SEMA3E: variants seen among roughly 807,000 people sequenced by gnomAD.
SEMA3E encodes the protein semaphorin-3E.
Under a neutral mutation model 93.6 loss-of-function variants are expected in SEMA3E, and 49 were observed. The ratio of observed to expected loss-of-function variants is 0.52; its 90% CI spans 0.42 to 0.66. The LOEUF is 0.66. SEMA3E is among the 30% of genes least tolerant of loss of function. The probability of loss-of-function intolerance (pLI) is 0.00; values close to 1 mark genes in which losing one functional copy is unlikely to be tolerated. For synonymous variants in SEMA3E, 363 were observed against 330.7 expected (o/e 1.10, Z -1.06); for missense variants, 906 against 964.8 (o/e 0.94, Z 0.81).
intron 1 of SEMA3E, among the ~76,000 whole-genome samples, chr7:83,622,178 G>C (rs1423066253): frequency 6.6e-6 from 1 of 151,928 alleles, no homozygotes; most frequent in Non-Finnish European, 1.5e-5. Flanking sequence ...CAAAGGACAT[G>C]AATAGACACT....
chr7:83,546,695 A>G (rs1400093501), intron 1 of SEMA3E, among the ~76,000 whole-genome samples: 4 of 152,096 alleles, frequency 2.6e-5, no homozygotes, highest in African/African-American at 9.7e-5. Context: ...CACTGAGTCT[A>G]GACAAAAGAT....
At chr7:83,435,582 C>T (rs752114297) in intron 4 of SEMA3E, among the ~76,000 whole-genome samples, 15 of 151,590 alleles carry the variant, frequency 9.9e-5, no homozygotes, top group Middle Eastern at 3.4e-3. Flanking sequence ...GGAGACAGAG[C>T]GAACCTCCGT....
intron 1 of SEMA3E, among the ~76,000 whole-genome samples, chr7:83,512,366 C>T (rs960854379): frequency 6.6e-6 from 1 of 152,138 alleles, no homozygotes; most frequent in Non-Finnish European, 1.5e-5. Context: ...AAATTACTTA[C>T]GGCTGAAACT....
intron 1 of SEMA3E, among the ~76,000 whole-genome samples, chr7:83,638,314 C>A (rs1162544848): frequency 6.6e-6 from 1 of 152,128 alleles, no homozygotes; most frequent in Non-Finnish European, 1.5e-5. Context: ...TTAATACAGG[C>A]CATGACCAAG....
chr7:83,548,405 T>C (rs1791693427), intron 1 of SEMA3E, among the ~76,000 whole-genome samples: 1 of 152,080 alleles, frequency 6.6e-6, no homozygotes. Context: ...TATTACAATA[T>C]TCTAGTTAAG....
At chr7:83,489,103 T>G (rs2115972375) in intron 2 of SEMA3E, among the ~76,000 whole-genome samples, 1 of 152,152 alleles carries the variant, frequency 6.6e-6, no homozygotes, top group Non-Finnish European at 1.5e-5. Flanking sequence ...AACCAAAAGT[T>G]TTGGTATAAT....
chr7:83,495,085 T>C (rs1790461828), intron 1 of SEMA3E, among the ~76,000 whole-genome samples: 1 of 151,970 alleles, frequency 6.6e-6, no homozygotes, highest in Non-Finnish European at 1.5e-5. Context: ...ACCATAAATT[T>C]GTTACAATCT....
intron 1 of SEMA3E, among the ~76,000 whole-genome samples, chr7:83,629,785 C>T (rs1221045932): frequency 6.6e-6 from 1 of 152,120 alleles, no homozygotes; most frequent in African/African-American, 2.4e-5. Flanking sequence ...CTTTCCTTTC[C>T]AGGGGAGCGA....
Position 83,392,642 on chromosome 7 carries a change from G to A in SEMA3E, c.1580C>T (p.Ala527Val). The A allele has an allele frequency of 6.2e-7, 1 of 1,613,864 alleles. No individual in the cohort carries two copies. Among genetic ancestry groups the A allele is most frequent in the South Asian group, 1.1e-5 (1 of 91,070 alleles). The change falls in exon 14 of 17, where the codon GCT becomes GTT. Residue 527 changes from alanine to valine, a missense_variant. By Grantham distance (64) the Ala-to-Val change is moderately conservative (BLOSUM62 0). Transcript: ENST00000643230. ...HHCDMYGSACADCCLARDPYC... is the reference protein window; with the variant it reads ...HHCDMYGSACVDCCLARDPYC... ...AGGGTCTCGAGCCAGGCAGCAGTCAGCACAAGCACTTCCATACATGTCACA... is the reference window on the plus strand; with the variant it reads ...AGGGTCTCGAGCCAGGCAGCAGTCAACACAAGCACTTCCATACATGTCACA...
chr7:83,532,575 G>A (rs1293166961), intron 1 of SEMA3E, among the ~76,000 whole-genome samples: 1 of 151,970 alleles, frequency 6.6e-6, no homozygotes, highest in Non-Finnish European at 1.5e-5. Flanking sequence ...GTATTGCCCT[G>A]GTAAAAACAC....
chr7:83,387,084 T>C, intron 14 of SEMA3E, 34 bp from the exon 15 acceptor site: 1 of 1,595,556 alleles, frequency 6.3e-7, no homozygotes, highest in South Asian at 1.1e-5. Context: ...GATGTTCATT[T>C]TTTCAATTTT....
At chr7:83,416,984 TACACACACACACACAC>T (rs71522659) in intron 5 of SEMA3E, among the ~76,000 whole-genome samples, 2 of 113,764 alleles carry the variant, frequency 1.8e-5, no homozygotes, top group African/African-American at 5.5e-5. Context: ...ACTCTGTTTA[TACACACACACACACAC>T]ACACACACAC....
chr7:83,642,721 A>C (rs1404341840), intron 1 of SEMA3E, among the ~76,000 whole-genome samples: 3 of 152,124 alleles, frequency 2.0e-5, no homozygotes, highest in African/African-American at 7.2e-5. Context: ...AAAGTGTCAT[A>C]TGTTACACTA....
rs567919647 is a variant in SEMA3E at position 83,538,776 on chromosome 7, T to A, written c.116-48502A>T. On this transcript the variant is annotated intron_variant, in intron 1 of 16. Transcript: ENST00000643230. ...ATCCCAGAACTCTATTTTAGTTGTA[T>A]CAGTCTCCTCTCAATATATTTTAAA... Among the ~76,000 whole-genome samples, 3 of 152,348 alleles carry A rather than the reference T, an allele frequency of 2.0e-5. No homozygotes were observed. In the East Asian group the frequency reaches 5.8e-4, roughly 29 times the overall value.
At chr7:83,391,564 T>C (rs1432189752) in intron 14 of SEMA3E, among the ~76,000 whole-genome samples, 1 of 151,872 alleles carries the variant, frequency 6.6e-6, no homozygotes, top group African/African-American at 2.4e-5. Flanking sequence ...AGAAATGTCC[T>C]CTCGAAGCAT....
chr7:83,425,243 A>G (rs1345880286), intron 4 of SEMA3E, among the ~76,000 whole-genome samples: 1 of 152,004 alleles, frequency 6.6e-6, no homozygotes, highest in Non-Finnish European at 1.5e-5. Context: ...TGTTTTCTGT[A>G]TGCCACAAAC....
intron 1 of SEMA3E, among the ~76,000 whole-genome samples, chr7:83,610,876 T>A (rs1252136369): frequency 6.6e-6 from 1 of 152,010 alleles, no homozygotes; most frequent in Admixed American, 6.6e-5. Context: ...CAAATTCAGT[T>A]GTTTCAATCA....
chr7:83,423,423 TAAGTCAAC>T (rs1158371666), intron 4 of SEMA3E, among the ~76,000 whole-genome samples: 1 of 152,034 alleles, frequency 6.6e-6, no homozygotes, highest in Non-Finnish European at 1.5e-5. Context: ...TGGCTAAAAC[TAAGTCAAC>T]AAGTAATCAT....
intron 1 of SEMA3E, among the ~76,000 whole-genome samples, chr7:83,541,999 T>A (rs1306108325): frequency 1.3e-5 from 2 of 152,056 alleles, no homozygotes; most frequent in Non-Finnish European, 2.9e-5. Context: ...GTCAGCCACA[T>A]CCTTATAGGA....
Sources: gnomAD v4.1 joint callset for allele counts (sites outside exome capture counted in the v4.1 genomes callset) on GRCh38, gnomAD v4.1.1 for gene constraint, MANE v1.5 for transcripts, NCBI Gene and HGNC (gene_info 2026-07-23, HGNC 2026-07-21) for gene names.